Variants in PTPRD observed in about 807,000 individuals in gnomAD.
PTPRD encodes the protein receptor-type tyrosine-protein phosphatase delta.
A neutral mutation model predicts 214.5 loss-of-function variants in PTPRD; 34 were observed. The observed-to-expected ratio is 0.16, with a 90% CI of 0.12 to 0.21. The LOEUF is 0.21. Among genes scored for constraint, PTPRD ranks in the 10% least tolerant of loss-of-function variants. The pLI is 1.00. For synonymous variants in PTPRD, 1,128 were observed against 845.7 expected (o/e 1.33, Z -5.79); for missense variants, 2,545 against 2,398.7 (o/e 1.06, Z -1.27).
chr9:8,730,211 G>A (rs1276805691), intron 12 of PTPRD, among the ~76,000 whole-genome samples: 4 of 152,076 alleles, frequency 2.6e-5, no homozygotes, highest in South Asian at 2.1e-4. Context: ...AGCCGAGATC[G>A]CGCCACTGCA....
intron 5 of PTPRD, among the ~76,000 whole-genome samples, chr9:9,930,484 T>G (rs2086098101): frequency 6.6e-6 from 1 of 152,160 alleles, no homozygotes; most frequent in African/African-American, 2.4e-5. Context: ...AGTTTTCAAA[T>G]GTAAACAAAT....
rs372205038 is a variant in PTPRD, at chr9:9,409,236, C to A, written c.-236-11754G>T. On this transcript the variant is annotated intron_variant, in intron 8 of 45. Transcript: ENST00000381196. ...GTATTCTATGATAATATTTTATGCA[C>A]CTGCCACTCCTCTTGCATATATAAT... Among the ~76,000 whole-genome samples the A allele has an allele frequency of 6.6e-4, 101 of 151,998 alleles. No individual in the cohort carries two copies. In the East Asian group the frequency reaches 0.019, roughly 28 times the overall value.
intron 8 of PTPRD, among the ~76,000 whole-genome samples, chr9:9,531,371 T>C (rs1014927301): frequency 6.6e-6 from 1 of 152,158 alleles, no homozygotes; most frequent in African/African-American, 2.4e-5. Flanking sequence ...AAGTACCTAT[T>C]AGTAATTGGA....
chr9:10,432,359 C>T (rs1212365695), intron 2 of PTPRD, among the ~76,000 whole-genome samples: 5 of 151,050 alleles, frequency 3.3e-5, no homozygotes, highest in Admixed American at 6.6e-5. Context: ...GTGGGTGCAG[C>T]GCACCAGCAT....
chr9:9,480,053 G>A (rs532831574), intron 8 of PTPRD, among the ~76,000 whole-genome samples: 2 of 152,234 alleles, frequency 1.3e-5, no homozygotes, highest in Non-Finnish European at 2.9e-5. Flanking sequence ...GGGATCAATT[G>A]TCCTATCACA....
chr9:8,762,172 G>C (rs1311107128), intron 11 of PTPRD, among the ~76,000 whole-genome samples: 1 of 152,052 alleles, frequency 6.6e-6, no homozygotes, highest in African/African-American at 2.4e-5. Flanking sequence ...AAATATATTA[G>C]TATAATTCTC....
chr9:9,675,355 C>T (rs1341897682), intron 7 of PTPRD, among the ~76,000 whole-genome samples: 3 of 151,516 alleles, frequency 2.0e-5, no homozygotes, highest in Non-Finnish European at 4.4e-5. Flanking sequence ...AATTAATCAA[C>T]TAATATCTCA....
At chr9:8,781,527 T>A (rs73640950) in intron 11 of PTPRD, among the ~76,000 whole-genome samples, 1 of 152,138 alleles carries the variant, frequency 6.6e-6, no homozygotes, top group South Asian at 2.1e-4. Context: ...CTCATTAGTA[T>A]AGGAAAACAG....
At chr9:9,925,178 T>C (rs1011484181) in intron 5 of PTPRD, among the ~76,000 whole-genome samples, 1 of 152,094 alleles carries the variant, frequency 6.6e-6, no homozygotes, top group East Asian at 1.9e-4. Flanking sequence ...CACAAATTTT[T>C]AGTGGCAATG....
chr9:10,312,776 A>G (rs980828500), intron 3 of PTPRD, among the ~76,000 whole-genome samples: 1 of 151,878 alleles, frequency 6.6e-6, no homozygotes, highest in Admixed American at 6.6e-5. Context: ...ATCCAAAGGT[A>G]CCATTTCACT....
intron 35 of PTPRD, among the ~76,000 whole-genome samples, chr9:8,407,304 AT>A (rs1478625677): frequency 6.6e-6 from 1 of 152,164 alleles, no homozygotes; most frequent in African/African-American, 2.4e-5. Flanking sequence ...CAAGGTAGGT[AT>A]TGTTTTTTTC....
intron 3 of PTPRD, among the ~76,000 whole-genome samples, chr9:10,337,815 T>C (rs2154441257): frequency 6.6e-6 from 1 of 151,762 alleles, no homozygotes; most frequent in South Asian, 2.1e-4. Flanking sequence ...ATTATACAAA[T>C]AGCAAATGGT....
At chr9:9,923,310 A>G (rs1050381288) in intron 5 of PTPRD, among the ~76,000 whole-genome samples, 3 of 151,824 alleles carry the variant, frequency 2.0e-5, no homozygotes, top group African/African-American at 7.2e-5. Context: ...AATCAAGAAA[A>G]TCTATCAAAA....
At chr9:9,740,904 A>G (rs1205005320) in intron 6 of PTPRD, among the ~76,000 whole-genome samples, 2 of 152,182 alleles carry the variant, frequency 1.3e-5, no homozygotes, top group African/African-American at 4.8e-5. Flanking sequence ...ATATTCAACA[A>G]CATAGATGGT....
At chr9:8,633,499 T>C (rs921857722) in intron 13 of PTPRD, 41 bp from the exon 14 acceptor site, 4 of 1,603,422 alleles carry the variant, frequency 2.5e-6, no homozygotes, top group African/African-American at 2.7e-5. Context: ...GTTGTTACAA[T>C]TGTCTACCTC....
rs780209225 is a variant in PTPRD at position 8,484,326 on chromosome 9, T to C, written c.3206A>G (p.Gln1069Arg). 6.2e-7 allele frequency: 1 copy of C among 1,614,102 alleles called. No individual in the cohort carries two copies. Among genetic ancestry groups the C allele is most frequent in the Non-Finnish European group, 8.5e-7 (1 of 1,180,016 alleles). Residue 1069 changes from glutamine (Q) to arginine (R), a missense_variant, in exon 30 of 46, where the codon CAG becomes CGG. Physicochemically the swap from Gln to Arg is conservative, Grantham distance 43. Transcript: ENST00000381196. ...AGGCTTCAGGTTGACAATTAACTTCTGTGTGGCTCGGCCATCCACTTCTTC... is the reference window on the plus strand; with the variant it reads ...AGGCTTCAGGTTGACAATTAACTTCCGTGTGGCTCGGCCATCCACTTCTTC... ...MVEEVDGRAT[Q>R]KLIVNLKPEK...
At chr9:9,874,990 C>T (rs2066452632) in intron 5 of PTPRD, among the ~76,000 whole-genome samples, 1 of 152,116 alleles carries the variant, frequency 6.6e-6, no homozygotes, top group South Asian at 2.1e-4. Context: ...GAATAAAGAG[C>T]ACAATCACTT....
chr9:9,272,265 T>C (rs1384873479), intron 9 of PTPRD, among the ~76,000 whole-genome samples: 1 of 151,268 alleles, frequency 6.6e-6, no homozygotes, highest in African/African-American at 2.4e-5. Flanking sequence ...CACTGAGAGA[T>C]TGATATGCAG....
At position 8,761,578 on chromosome 9, in the gene PTPRD, T is replaced by C. The variant is rs575604248; in HGVS notation, c.-103-27632A>G. On this transcript the variant is annotated intron_variant, in intron 11 of 45. Coordinates refer to ENST00000381196, the MANE Select transcript of PTPRD (RefSeq NM_002839.4). ...CAGAAAGCGGAGCTGCAAAGGTTAG[T>C]AGAAAGAACTAAAATACATCAAATG... Among the ~76,000 whole-genome samples the C allele has an allele frequency of 4.6e-5, 7 of 152,258 alleles. No individual in the cohort carries two copies. In the East Asian group the frequency reaches 7.7e-4, roughly 17 times the overall value.
Sources: allele counts gnomAD v4.1 joint callset (sites outside exome capture counted in the v4.1 genomes callset), GRCh38; gene constraint gnomAD v4.1.1; transcripts MANE v1.5; gene names NCBI Gene and HGNC (gene_info 2026-07-23, HGNC 2026-07-21).